Variants in NLRP1 observed in about 807,000 individuals in gnomAD.
The protein encoded by NLRP1 is NLR family pyrin domain containing 1.
In NLRP1, 94 loss-of-function variants were observed where a neutral mutation model predicts 136.7. The ratio of observed to expected loss-of-function variants is 0.69; its 90% CI spans 0.58 to 0.82. The LOEUF is 0.82. Among genes scored for constraint, NLRP1 ranks in the 40% least tolerant of loss-of-function variants. The pLI, the probability that NLRP1 is intolerant of heterozygous loss-of-function variation, is 0.00. For synonymous variants in NLRP1, 690 were observed against 725.1 expected (o/e 0.95, Z 0.78); for missense variants, 1,575 against 1,802.7 (o/e 0.87, Z 2.29).
Position 5,522,457 on chromosome 17 carries a change from A to G in NLRP1, c.3521-671T>C, listed in dbSNP as rs567382138. Among the ~76,000 whole-genome samples, 30 of 152,326 alleles carry G rather than the reference A, an allele frequency of 2.0e-4. No individual in the cohort carries two copies. The Middle Eastern group carries it at 0.01, about 52-fold the overall frequency. ...TGTATGAGGAATGGGCCTCACCAAC[A>G]CACCAAATCTGCTGGCGCCTTGATC... On this transcript the variant is annotated intron_variant, in intron 12 of 16. Transcript: ENST00000572272.
chr17:5,521,502 C>A (rs1037357269), intron 13 of NLRP1, 22 bp downstream of exon 13: 3 of 1,606,110 alleles, frequency 1.9e-6, no homozygotes, highest in African/African-American at 1.3e-5. Flanking sequence ...CGTGGCCCAG[C>A]CTTTCTGGCT....
Position 5,536,849 on chromosome 17 carries a change from AC to A in NLRP1, c.2960+1del. 6.2e-7 allele frequency: 1 copy of A among 1,608,620 alleles called. No homozygotes were observed. The highest frequency in any genetic ancestry group is 1.1e-5 in the South Asian group (1 of 90,934). On this transcript the variant is annotated splice_donor_variant, in intron 8 of 16. Coordinates refer to ENST00000572272, the MANE Select transcript of NLRP1 (RefSeq NM_033004.4). LOFTEE classifies it high-confidence loss of function. The stretch of plus-strand genomic sequence containing the variant: ...CAGAGGGAGTTCTGGGTCCCCCCTT[AC>A]CGTCTGCTGAAGATGAGCAGCTGAG...
rs200371400 is a variant in NLRP1 at position 5,583,935 on chromosome 17, C to T, written c.23G>A (p.Arg8His). 7.3e-5 allele frequency: 118 copies of T among 1,609,198 alleles called. No individual in the cohort carries two copies. Among genetic ancestry groups the T allele is most frequent in the Non-Finnish European group, 8.7e-5 (103 of 1,177,770 alleles). The stretch of plus-strand genomic sequence containing the variant: ...CAGGAACTCCAAGTAACAGGCCAGG[C>T]GGCCCCAGGCTCCGCCAGCCATCTC... MAGGAWG[R>H]LACYLEFLKK... Residue 8 changes from arginine (R) to histidine (H), a missense_variant, in exon 1 of 17, where the codon CGC (arginine) becomes CAC (histidine). Arg to His is a conservative substitution (Grantham distance 29). Coordinates refer to ENST00000572272, the MANE Select transcript of NLRP1 (RefSeq NM_033004.4). This position sits in a 1 kb window ranked among gnomAD's most constrained non-coding sequence, Gnocchi z 4.5.
At chr17:5,557,996 C>T (rs1379872377) in intron 4 of NLRP1, among the ~76,000 whole-genome samples, 2 of 151,918 alleles carry the variant, frequency 1.3e-5, no homozygotes, top group African/African-American at 4.8e-5. Context: ...CTGCCTGATC[C>T]TTGGGGAGTG....
intron 7 of NLRP1, 48 bp from the exon 8 acceptor site, chr17:5,536,988 C>T (rs1436058014): frequency 5.4e-6 from 7 of 1,300,830 alleles, no homozygotes; most frequent in African/African-American, 2.9e-5. Flanking sequence ...CCCATGTGGT[C>T]CCCAGGTCCC....
At chr17:5,512,939 G>A (rs1907738546), downstream of NLRP1, among the ~76,000 whole-genome samples, 1 of 152,084 alleles carries the variant, frequency 6.6e-6, no homozygotes, top group Non-Finnish European at 1.5e-5. Context: ...AGCCAGTCCT[G>A]CCCACCTCCT....
chr17:5,515,339 C>CCG (rs1313087894), intron 16 of NLRP1, 134 bp downstream of exon 16: 1 of 823,786 alleles, frequency 1.2e-6, no homozygotes. Flanking sequence ...CGACCATGCA[C>CCG]CGCTCTCCAG....
chr17:5,542,995 A>T (rs1371572385), intron 5 of NLRP1, among the ~76,000 whole-genome samples: 3 of 151,994 alleles, frequency 2.0e-5, no homozygotes, highest in African/African-American at 7.3e-5. Flanking sequence ...ATGCCCGGCT[A>T]ATTTTTGTAT....
chr17:5,511,974 C>T (rs368481959), downstream of NLRP1: 7 of 486,554 alleles, frequency 1.4e-5, no homozygotes, highest in Non-Finnish European at 2.3e-5. Context: ...CCAGCTGTAA[C>T]TTGTGAAGTG....
At chr17:5,523,762 C>T (rs1909194063) in intron 12 of NLRP1, among the ~76,000 whole-genome samples, 1 of 152,120 alleles carries the variant, frequency 6.6e-6, no homozygotes, top group Non-Finnish European at 1.5e-5. Flanking sequence ...CTGGACAAAG[C>T]CCTTAGTCAG....
chr17:5,526,686 G>A (rs771973070), intron 12 of NLRP1, among the ~76,000 whole-genome samples: 2 of 152,232 alleles, frequency 1.3e-5, no homozygotes, highest in African/African-American at 2.4e-5. Context: ...CAGTCACACA[G>A]GGTCCTGAGC....
At chr17:5,560,493 C>T (rs1914613711) in intron 3 of NLRP1, among the ~76,000 whole-genome samples, 1 of 152,222 alleles carries the variant, frequency 6.6e-6, no homozygotes, top group Non-Finnish European at 1.5e-5. Context: ...CAAGCACCTG[C>T]TATTGCAGTA....
At chr17:5,528,176 C>T (rs1412877584) in intron 12 of NLRP1, among the ~76,000 whole-genome samples, 2 of 152,196 alleles carry the variant, frequency 1.3e-5, no homozygotes, top group African/African-American at 4.8e-5. Context: ...CTCTATTAGC[C>T]AGGCCCCTCT....
chr17:5,530,614 G>C lies in NLRP1; in HGVS notation c.3387C>G (p.Phe1129Leu), dbSNP rs763107742. The change falls in exon 12 of 17, where the codon TTC becomes TTG. Residue 1129 changes from phenylalanine (F) to leucine (L), a missense_variant. Transcript: ENST00000572272. ...CACCCAGGAACTGGTCCCACACACA[G>C]AATTCAATCTCAACGGTCACCGCTT... is the stretch of plus-strand genomic sequence containing the variant. Reference protein sequence around the residue: ...MREAVTVEIEFCVWDQFLGEI... With the variant: ...MREAVTVEIELCVWDQFLGEI... 3 of 1,614,226 alleles carry C rather than the reference G, an allele frequency of 1.9e-6. No individual in the cohort carries two copies. Among genetic ancestry groups the C allele is most frequent in the South Asian group, 1.1e-5 (1 of 91,082 alleles).
intron 11 of NLRP1, 37 bp downstream of exon 11, chr17:5,532,785 G>A: frequency 6.5e-7 from 1 of 1,545,956 alleles, no homozygotes; most frequent in Non-Finnish European, 8.7e-7. Context: ...TGGGGTGCGG[G>A]AGGCCAGCCT....
intron 4 of NLRP1, among the ~76,000 whole-genome samples, chr17:5,555,908 C>T (rs921455490): frequency 2.6e-5 from 4 of 151,512 alleles, no homozygotes; most frequent in Non-Finnish European, 5.9e-5. Flanking sequence ...ACCTGGCCAA[C>T]ATGGTGAAAC....
intron 4 of NLRP1, among the ~76,000 whole-genome samples, chr17:5,557,249 C>T (rs547078083): frequency 1.2e-3 from 188 of 152,224 alleles, no homozygotes; most frequent in African/African-American, 4.3e-3. Flanking sequence ...AAGTGATCCT[C>T]CTGCTTCAGC....
downstream of NLRP1, chr17:5,512,580 G>C (rs1907713811): frequency 1.9e-6 from 1 of 518,478 alleles, no homozygotes; most frequent in Admixed American, 3.3e-5. Flanking sequence ...TGGTAAAGGA[G>C]ATGGGTGGGT....
chr17:5,521,060 A>C, intron 13 of NLRP1, 48 bp from the exon 14 acceptor site: 1 of 1,537,102 alleles, frequency 6.5e-7, no homozygotes, highest in Non-Finnish European at 8.8e-7. Context: ...TGCCCCGTGG[A>C]ATGTGGTTTG....
Sources: allele counts gnomAD v4.1 joint callset (sites outside exome capture counted in the v4.1 genomes callset), GRCh38; gene constraint gnomAD v4.1.1; non-coding constraint Gnocchi (gnomAD v3.1); transcripts MANE v1.5; gene names NCBI Gene and HGNC (gene_info 2026-07-23, HGNC 2026-07-21).